Variants in ZFAND6 observed in about 807,000 individuals in gnomAD.
ZFAND6 encodes AN1-type zinc finger protein 6.
Under a neutral mutation model 24.5 loss-of-function variants are expected in ZFAND6, and 12 were observed. The ratio of observed to expected loss-of-function variants is 0.49; its 90% confidence interval spans 0.31 to 0.79. The LOEUF (loss-of-function observed/expected upper bound fraction) is 0.79, where lower values mean the gene tolerates loss of function less well. ZFAND6 is among the 30% of genes least tolerant of loss of function. The probability of loss-of-function intolerance (pLI) is 0.04; values close to 1 mark genes in which losing one functional copy is unlikely to be tolerated. For missense variants in ZFAND6, 207 were observed against 245.9 expected, an observed-to-expected ratio of 0.84 and a Z score of 1.06; for synonymous variants, 92 against 81.5, an observed-to-expected ratio of 1.13 and a Z score of -0.69.
chr15:80,130,229 G>C (rs866591982), intron 5 of ZFAND6: 9 of 152,190 alleles, frequency 5.9e-5, no homozygotes, highest in Admixed American at 1.3e-4. Context: ...ACAGAGAATT[G>C]AGACAAGGAA....
intron 1 of ZFAND6, among the ~76,000 whole-genome samples, chr15:80,079,845 G>A (rs1360583745): frequency 6.6e-6 from 1 of 150,650 alleles, no homozygotes; most frequent in Non-Finnish European, 1.5e-5. Context: ...TAGTAGAGTC[G>A]GGGTTTCACC....
chr15:80,075,384 AG>A (rs569321058), intron 1 of ZFAND6: 300 of 190,694 alleles, frequency 1.6e-3, no homozygotes, highest in Non-Finnish European at 2.6e-3. Context: ...AAGGTAAAGA[AG>A]TGATTTTTTT....
rs2039573028 is a variant in ZFAND6 at position 80,110,876 on chromosome 15, T to A, written c.-17-9452T>A. 1.3e-5 allele frequency among the ~76,000 whole-genome samples: 2 copies of A among 152,340 alleles called. 1 individual carries two copies. The highest frequency in any genetic ancestry group is 6.8e-3 in the Middle Eastern group (2 of 294). On this transcript the variant is annotated intron_variant, in intron 2 of 6. Coordinates refer to ENST00000261749, the MANE Select transcript of ZFAND6 (RefSeq NM_019006.4). Reference sequence around the variant, plus strand: ...CAGATCTAAAAGTGAAAGGCTTAGCTTCTCACATGCCCAGCCTTGGCTCAG... The same window carrying A: ...CAGATCTAAAAGTGAAAGGCTTAGCATCTCACATGCCCAGCCTTGGCTCAG...
chr15:80,107,480 C>T (rs980648802), intron 2 of ZFAND6, among the ~76,000 whole-genome samples: 2 of 152,086 alleles, frequency 1.3e-5, no homozygotes, highest in Non-Finnish European at 2.9e-5. Context: ...TTTTACACTG[C>T]CAATGCAAAT....
At chr15:80,073,559 T>G (rs1294700455) in intron 1 of ZFAND6, among the ~76,000 whole-genome samples, 1 of 151,928 alleles carries the variant, frequency 6.6e-6, no homozygotes, top group East Asian at 1.9e-4. Flanking sequence ...TGCTACTTGT[T>G]CCGGATCATG....
chr15:80,080,503 T>C (rs1201260767), intron 1 of ZFAND6, among the ~76,000 whole-genome samples: 1 of 152,200 alleles, frequency 6.6e-6, no homozygotes, highest in Non-Finnish European at 1.5e-5. Flanking sequence ...AGAATAATTA[T>C]ACTGTAATAA....
intron 4 of ZFAND6, among the ~76,000 whole-genome samples, chr15:80,122,457 T>C (rs932646430): frequency 6.6e-6 from 1 of 152,206 alleles, no homozygotes; most frequent in African/African-American, 2.4e-5. Flanking sequence ...AGTGAATTCA[T>C]GTGGTACTTG....
intron 2 of ZFAND6, among the ~76,000 whole-genome samples, chr15:80,118,680 C>A (rs183314434): frequency 3.6e-4 from 54 of 152,038 alleles, no homozygotes; most frequent in Admixed American, 8.5e-4. Context: ...GACTTGTCAT[C>A]ATGGAATAAG....
chr15:80,078,835 G>A (rs534315754), intron 1 of ZFAND6, among the ~76,000 whole-genome samples: 1 of 150,566 alleles, frequency 6.6e-6, no homozygotes, highest in African/African-American at 2.4e-5. Context: ...ATTTTTTCAT[G>A]TATTTGTTGG....
chr15:80,092,733 A>G (rs1224330311), intron 1 of ZFAND6, among the ~76,000 whole-genome samples: 4 of 152,194 alleles, frequency 2.6e-5, no homozygotes, highest in Non-Finnish European at 4.4e-5. Context: ...GACACACTAT[A>G]ATACCAATAG....
chr15:80,088,133 G>A (rs2038116776), intron 1 of ZFAND6, among the ~76,000 whole-genome samples: 2 of 152,104 alleles, frequency 1.3e-5, no homozygotes, highest in South Asian at 2.1e-4. Context: ...ACCCTTTATA[G>A]CTTTTTGTTT....
intron 2 of ZFAND6, among the ~76,000 whole-genome samples, chr15:80,116,025 T>A (rs745999650): frequency 1.3e-5 from 2 of 152,078 alleles, no homozygotes; most frequent in African/African-American, 2.4e-5. Flanking sequence ...ATAGCATAGT[T>A]GGTGGTTTAG....
intron 6 of ZFAND6, 112 bp downstream of exon 6, chr15:80,131,405 G>T: frequency 1.2e-6 from 1 of 803,286 alleles, no homozygotes; most frequent in South Asian, 2.7e-5. Flanking sequence ...AGTTAATATT[G>T]GATATACTTC....
At chr15:80,098,080 G>A (rs528282308) in intron 1 of ZFAND6, among the ~76,000 whole-genome samples, 95 of 152,260 alleles carry the variant, frequency 6.2e-4, no homozygotes, top group African/African-American at 2.2e-3. Context: ...TGGTAAAAGT[G>A]TTCTTTAGTT....
intron 1 of ZFAND6, among the ~76,000 whole-genome samples, chr15:80,067,344 C>T (rs985587191): frequency 3.9e-5 from 6 of 152,164 alleles, no homozygotes; most frequent in African/African-American, 7.2e-5. Context: ...TTTCTCTACT[C>T]AAGACCTTTG....
chr15:80,079,796 G>A (rs1326367572), intron 1 of ZFAND6, among the ~76,000 whole-genome samples: 5 of 148,506 alleles, frequency 3.4e-5, no homozygotes, highest in African/African-American at 7.5e-5. Context: ...GACTACAGGC[G>A]CCCGCCACCA....
At chr15:80,062,316 T>C (rs143889307) in intron 1 of ZFAND6, among the ~76,000 whole-genome samples, 45 of 152,342 alleles carry the variant, frequency 3.0e-4, no homozygotes, top group African/African-American at 1.1e-3. Context: ...TGTTATTCTG[T>C]GGAATTAAAT....
chr15:80,124,590 G>A (rs2142027504), intron 5 of ZFAND6, among the ~76,000 whole-genome samples: 1 of 152,262 alleles, frequency 6.6e-6, no homozygotes, highest in Middle Eastern at 3.4e-3. Context: ...TTATAAAAGT[G>A]TTTTTATTTC....
chr15:80,088,747 T>G (rs2038158207), intron 1 of ZFAND6, among the ~76,000 whole-genome samples: 1 of 152,240 alleles, frequency 6.6e-6, no homozygotes, highest in African/African-American at 2.4e-5. Context: ...AAAATTCTGT[T>G]ACGTGTGCTG....
Sources: allele counts gnomAD v4.1 joint callset (sites outside exome capture counted in the v4.1 genomes callset), GRCh38; gene constraint gnomAD v4.1.1; transcripts MANE v1.5; gene names NCBI Gene and HGNC (gene_info 2026-07-23, HGNC 2026-07-21).